Variants in CHD6 observed in about 807,000 individuals in gnomAD.
The protein encoded by CHD6 is ATP-dependent chromatin remodeler CHD6.
Under a neutral mutation model 276.9 loss-of-function variants are expected in CHD6, and 50 were observed. The observed-to-expected ratio is 0.18, with a 90% CI of 0.14 to 0.23. The LOEUF is 0.23. Among genes scored for constraint, CHD6 ranks in the 10% least tolerant of loss-of-function variants. CHD6 has a pLI of 1.00. For synonymous variants in CHD6, 1,173 were observed against 1,229.3 expected, an observed-to-expected ratio of 0.95 and a Z score of 0.96; for missense variants, 2,564 against 3,365.8, an observed-to-expected ratio of 0.76 and a Z score of 5.89.
At position 41,403,386 on chromosome 20, in the gene CHD6, C is replaced by T; in HGVS notation, c.*1207G>A. 1 of 1,063,130 alleles carries T rather than the reference C, an allele frequency of 9.4e-7. No individual in the cohort carries two copies. The highest frequency in any genetic ancestry group is 1.1e-6 in the Non-Finnish European group (1 of 877,748). The allele number at this position is 1,063,130 out of a possible 1,614,324, so 65.9% of individuals were successfully genotyped here. A position where few individuals can be genotyped will look rare whatever the true frequency, so the allele number is the denominator to read the frequency against. ...AGGACATGGGGAAGTGCTGCTTAGG[C>T]AGTTTCTTTCTCAGTTCCTAAACAT... On this transcript the variant is annotated 3_prime_UTR_variant, in exon 37 of 37. Coordinates refer to ENST00000373233, the MANE Select transcript of CHD6 (RefSeq NM_032221.5).
chr20:41,445,541 A>T, intron 25 of CHD6, 124 bp downstream of exon 25: 1 of 624,156 alleles, frequency 1.6e-6, no homozygotes, highest in Non-Finnish European at 2.9e-6. Flanking sequence ...TCTACTTTTT[A>T]AGATGAATGT....
At chr20:41,572,959 G>A (rs1051245556) in intron 1 of CHD6, among the ~76,000 whole-genome samples, 3 of 151,878 alleles carry the variant, frequency 2.0e-5, no homozygotes, top group Non-Finnish European at 4.4e-5. Flanking sequence ...GCCCAGGCTG[G>A]AGTGCAGTGG....
At chr20:41,413,235 C>G (rs2046896166) in intron 35 of CHD6, 89 bp downstream of exon 35, 1 of 1,044,614 alleles carries the variant, frequency 9.6e-7, no homozygotes, top group Non-Finnish European at 1.3e-6. Context: ...TCCCAACTTC[C>G]TGGTTGCCCT....
At chr20:41,579,455 A>AAAAAAAAAAAT (rs2045512670) in intron 1 of CHD6, among the ~76,000 whole-genome samples, 1 of 150,388 alleles carries the variant, frequency 6.6e-6, no homozygotes, top group Non-Finnish European at 1.5e-5. Flanking sequence ...AAAAAAAAAA[A>AAAAAAAAAAAT]TCTTAAAAGG....
intron 31 of CHD6, 119 bp from the exon 32 acceptor site, chr20:41,417,468 T>A: frequency 4.9e-6 from 4 of 812,936 alleles, no homozygotes; most frequent in Non-Finnish European, 7.4e-6. Context: ...TTCTGTGCTA[T>A]TTTAAATGGA....
rs201187340 is a variant in CHD6, at chr20:41,420,626, A to C, written c.6009T>G (p.Ser2003Arg). 1 of 1,614,196 alleles carries C rather than the reference A, an allele frequency of 6.2e-7. No individual in the cohort carries two copies. The highest frequency in any genetic ancestry group is 8.5e-7 in the Non-Finnish European group (1 of 1,180,014). ...HELLKEPWKE[S>R]AEGQNVFPTY... is the part of the protein sequence containing the mutation. Reference sequence around the variant, plus strand: ...TGGGGAAAACGTTTTGCCCCTCTGCACTTTCTTTCCAAGGTTCTTTTAAAA... The same window carrying C: ...TGGGGAAAACGTTTTGCCCCTCTGCCCTTTCTTTCCAAGGTTCTTTTAAAA... The change falls in exon 31 of 37, where the codon AGT becomes AGG. Residue 2003 changes from serine (S) to arginine (R), a missense_variant. Transcript: ENST00000373233.
intron 16 of CHD6, among the ~76,000 whole-genome samples, chr20:41,478,306 T>C (rs2043211870): frequency 6.6e-6 from 1 of 152,018 alleles, no homozygotes; most frequent in East Asian, 1.9e-4. Context: ...AGGAGCAAGG[T>C]CCTAACACAC....
At position 41,554,427 on chromosome 20, in the gene CHD6, G is replaced by T. The variant is rs138359194; in HGVS notation, c.-23-3067C>A. ...TTTATTTTATTGATCATTCTTGGGT[G>T]TTTCTCGCAGAGGGGGATTTGGCAG... On this transcript the variant is annotated intron_variant, in intron 1 of 36. Coordinates refer to ENST00000373233, the MANE Select transcript of CHD6 (RefSeq NM_032221.5). Among the ~76,000 whole-genome samples, 1,423 of 151,702 alleles carry T rather than the reference G, an allele frequency of 9.4e-3. 7 individuals are homozygous for T. The highest frequency in any genetic ancestry group is 0.013 in the Non-Finnish European group (904 of 67,924).
intron 1 of CHD6, among the ~76,000 whole-genome samples, chr20:41,579,655 T>C (rs974997052): frequency 1.3e-5 from 2 of 152,140 alleles, no homozygotes; most frequent in Non-Finnish European, 2.9e-5. Flanking sequence ...CACATTCCTA[T>C]GGAGGTGTGC....
intron 1 of CHD6, among the ~76,000 whole-genome samples, chr20:41,613,242 A>C (rs2045905542): frequency 6.6e-6 from 1 of 152,224 alleles, no homozygotes; most frequent in African/African-American, 2.4e-5. Flanking sequence ...GGCTTCTTTT[A>C]ATTCTTCTTC....
intron 8 of CHD6, chr20:41,497,088 G>T: frequency 3.4e-6 from 1 of 290,928 alleles, no homozygotes. Flanking sequence ...TGGGTTGAGG[G>T]AGCAGGGACA....
chr20:41,571,894 CA>C (rs1350241073), intron 1 of CHD6, among the ~76,000 whole-genome samples: 2 of 152,194 alleles, frequency 1.3e-5, no homozygotes, highest in Non-Finnish European at 2.9e-5. Flanking sequence ...CATCCAGAAA[CA>C]GAACATTAGC....
intron 23 of CHD6, among the ~76,000 whole-genome samples, chr20:41,449,598 A>G (rs1214236391): frequency 6.6e-6 from 1 of 152,244 alleles, no homozygotes; most frequent in African/African-American, 2.4e-5. Context: ...TCAAAGGGAC[A>G]CACAACTGCA....
intron 18 of CHD6, 73 bp downstream of exon 18, chr20:41,457,187 AGCTG>A (rs1274030721): frequency 2.4e-5 from 36 of 1,518,664 alleles, no homozygotes; most frequent in Admixed American, 1.5e-4. Flanking sequence ...ACCCTTAAAC[AGCTG>A]TAAGAAGAGA....
At chr20:41,459,294 A>AGGCCACTG (rs2048471657) in intron 17 of CHD6, 1 of 152,512 alleles carries the variant, frequency 6.6e-6, no homozygotes, top group Admixed American at 6.5e-5. Flanking sequence ...GACAGAAGAG[A>AGGCCACTG]GGCCACTGGG....
At chr20:41,546,046 A>G (rs940783941) in intron 2 of CHD6, among the ~76,000 whole-genome samples, 3 of 152,138 alleles carry the variant, frequency 2.0e-5, no homozygotes, top group Admixed American at 6.5e-5. Flanking sequence ...ATGGTTTGTA[A>G]CCAGGCTAGA....
chr20:41,525,102 C>T (rs1002005141), intron 3 of CHD6, among the ~76,000 whole-genome samples: 1 of 152,174 alleles, frequency 6.6e-6, no homozygotes, highest in Admixed American at 6.5e-5. Context: ...TCTCTACAAG[C>T]CTCGCCCCTG....
chr20:41,423,051 A>G, intron 30 of CHD6, among the ~76,000 whole-genome samples: 1 of 152,228 alleles, frequency 6.6e-6, no homozygotes. Flanking sequence ...TCTCTATTGC[A>G]TCAGGGGATA....
chr20:41,514,479 C>G (rs997867364), intron 4 of CHD6, among the ~76,000 whole-genome samples: 1 of 152,140 alleles, frequency 6.6e-6, no homozygotes, highest in Non-Finnish European at 1.5e-5. Flanking sequence ...ACTCTGAGCA[C>G]TAAATGCATT....
Sources: gnomAD v4.1 joint callset for allele counts (sites outside exome capture counted in the v4.1 genomes callset) on GRCh38, gnomAD v4.1.1 for gene constraint, MANE v1.5 for transcripts, NCBI Gene and HGNC (gene_info 2026-07-23, HGNC 2026-07-21) for gene names.